The following SUMF1 variants were observed in gnomAD, a reference collection of about 807,000 sequenced individuals.
The protein encoded by SUMF1 is sulfatase modifying factor 1.
A neutral mutation model predicts 47.6 loss-of-function variants in SUMF1; 48 were observed. The observed-to-expected ratio is 1.01, with a 90% CI of 0.80 to 1.28. The LOEUF (loss-of-function observed/expected upper bound fraction) is 1.28. Ranked by LOEUF, SUMF1 falls within the 50% of genes most tolerant of loss-of-function variation. The pLI is 0.00. For missense variants in SUMF1, 571 were observed against 485.4 expected (o/e 1.18, Z -1.66); for synonymous variants, 230 against 192.1 (o/e 1.20, Z -1.63).
chr3:4,358,140 G>A (rs1001234013), downstream of SUMF1, among the ~76,000 whole-genome samples: 3 of 151,848 alleles, frequency 2.0e-5, no homozygotes, highest in African/African-American at 4.8e-5. Context: ...ATTACCACCC[G>A]TATTTCCCCC....
intron 8 of SUMF1, among the ~76,000 whole-genome samples, chr3:4,212,627 A>G (rs1486017395): frequency 1.3e-5 from 2 of 152,208 alleles, no homozygotes; most frequent in Non-Finnish European, 2.9e-5. Flanking sequence ...CTAAAGGAGC[A>G]TGCTGTAACT....
At chr3:4,457,551 C>A (rs2079696500) in intron 1 of SUMF1, among the ~76,000 whole-genome samples, 1 of 152,026 alleles carries the variant, frequency 6.6e-6, no homozygotes. Flanking sequence ...AACACAAAAA[C>A]CAATGGAACA....
rs1472604883 is a variant in SUMF1, at chr3:4,376,314, T to C, written c.1014+16A>G. ...TCAGAACAAGAACGGCAAAACAGTT[T>C]AGTGACATGACTTACCCTATGGCAC... is the stretch of plus-strand genomic sequence containing the variant. On this transcript the variant is annotated intron_variant, in intron 8 of 8. Transcript: ENST00000272902. The C allele has an allele frequency of 3.7e-6, 6 of 1,614,088 alleles. No individual in the cohort carries two copies. The South Asian group carries it at 4.4e-5, about 12-fold the overall frequency.
intron 9 of SUMF1, among the ~76,000 whole-genome samples, chr3:4,057,991 CAACAAGTAT>C (rs1695219456): frequency 6.6e-6 from 1 of 152,030 alleles, no homozygotes; most frequent in African/African-American, 2.4e-5. Flanking sequence ...CTAGATCTAC[CAACAAGTAT>C]AAGTGAGTGT....
intron 8 of SUMF1, among the ~76,000 whole-genome samples, chr3:4,237,797 ATACTT>A (rs1261934311): frequency 2.0e-5 from 3 of 151,226 alleles, no homozygotes; most frequent in Non-Finnish European, 4.4e-5. Flanking sequence ...CATTTTTTAA[ATACTT>A]TAAGTGCTGG....
In SUMF1 at chr3:4,114,719, A is replaced by G. The variant is rs1381899105; in HGVS notation, c.1015-45974T>C. ...GGGAGTATGTTTAGCTTCTTCCCTA[A>G]CATTACATAACAGAGAAGTATTTAA... On this transcript the variant is annotated intron_variant and NMD_transcript_variant, in intron 8 of 12. Transcript: ENST00000448413. Among the ~76,000 whole-genome samples the G allele has an allele frequency of 2.6e-5, 4 of 152,172 alleles. No homozygotes were observed. In the East Asian group the frequency reaches 5.8e-4, roughly 22 times the overall value.
chr3:4,373,237 GA>G (rs1700221922), intron 8 of SUMF1, among the ~76,000 whole-genome samples: 3 of 151,492 alleles, frequency 2.0e-5, no homozygotes, highest in Non-Finnish European at 4.4e-5. Context: ...GAGACAAAGA[GA>G]AAAAAAATCA....
intron 8 of SUMF1, among the ~76,000 whole-genome samples, chr3:4,160,387 G>A (rs1374240875): frequency 2.0e-5 from 3 of 152,042 alleles, no homozygotes; most frequent in South Asian, 2.1e-4. Flanking sequence ...CTACAAGTAT[G>A]AGCCACCACA....
At chr3:4,217,520 A>ATATATATATAT (rs1414452785) in intron 8 of SUMF1, among the ~76,000 whole-genome samples, 1 of 78,656 alleles carries the variant, frequency 1.3e-5, no homozygotes, top group Non-Finnish European at 2.4e-5. Flanking sequence ...TTTTTTATAT[A>ATATATATATAT]TATATATATA....
intron 8 of SUMF1, among the ~76,000 whole-genome samples, chr3:4,145,442 C>T (rs1480387657): frequency 1.2e-4 from 18 of 152,142 alleles, no homozygotes; most frequent in Admixed American, 1.1e-3. Flanking sequence ...TTTGTTAATA[C>T]TCTGCTAAAT....
intron 8 of SUMF1, among the ~76,000 whole-genome samples, chr3:4,211,135 CAT>C (rs1349686672): frequency 5.1e-4 from 49 of 96,656 alleles, no homozygotes; most frequent in South Asian, 1.6e-3. Flanking sequence ...CACACACACA[CAT>C]ATATACATAT....
intron 8 of SUMF1, among the ~76,000 whole-genome samples, chr3:4,251,583 T>C (rs1221507419): frequency 1.3e-5 from 2 of 152,226 alleles, no homozygotes; most frequent in East Asian, 1.9e-4. Context: ...AGCTTCATTG[T>C]TGTCTTAAGA....
chr3:4,261,253 G>C (rs1022404749), intron 8 of SUMF1, among the ~76,000 whole-genome samples: 1 of 152,184 alleles, frequency 6.6e-6, no homozygotes, highest in Non-Finnish European at 1.5e-5. Flanking sequence ...TGCAGAGAGA[G>C]AAGGGGAGAG....
intron 8 of SUMF1, chr3:4,317,304 TA>T: frequency 8.6e-7 from 1 of 1,167,796 alleles, no homozygotes; most frequent in South Asian, 1.5e-5. Flanking sequence ...AAACCGCAGT[TA>T]GTTTTGCACC....
At chr3:4,151,484 T>TAC (rs1332406217) in intron 8 of SUMF1, among the ~76,000 whole-genome samples, 3 of 146,658 alleles carry the variant, frequency 2.0e-5, no homozygotes, top group Admixed American at 2.0e-4. Context: ...TGTATATATG[T>TAC]GTATATATAC....
chr3:4,448,096 T>C (rs1702844438), intron 3 of SUMF1, among the ~76,000 whole-genome samples: 1 of 152,002 alleles, frequency 6.6e-6, no homozygotes, highest in African/African-American at 2.4e-5. Context: ...TATAAACTTG[T>C]AAGGAGCAAA....
At chr3:4,290,502 G>A (rs1021276061) in intron 8 of SUMF1, among the ~76,000 whole-genome samples, 1 of 152,170 alleles carries the variant, frequency 6.6e-6, no homozygotes, top group African/African-American at 2.4e-5. Context: ...CTGCTACAGA[G>A]CCAAAGCACA....
chr3:4,416,474 T>A (rs902195265), intron 6 of SUMF1, among the ~76,000 whole-genome samples: 1 of 152,208 alleles, frequency 6.6e-6, no homozygotes, highest in Non-Finnish European at 1.5e-5. Flanking sequence ...TATCCAGTCT[T>A]ACCTAAATGC....
At chr3:4,180,944 A>G (rs946426354) in intron 8 of SUMF1, among the ~76,000 whole-genome samples, 3 of 152,198 alleles carry the variant, frequency 2.0e-5, no homozygotes. Context: ...ACACAAGGAA[A>G]AACATGCTTA....
Sources: gnomAD v4.1 joint callset for allele counts (sites outside exome capture counted in the v4.1 genomes callset) on GRCh38, gnomAD v4.1.1 for gene constraint, MANE v1.5 for transcripts, NCBI Gene and HGNC (gene_info 2026-07-23, HGNC 2026-07-21) for gene names.